CCDC91: variants seen among roughly 807,000 people sequenced by gnomAD.
The protein encoded by CCDC91 is coiled-coil domain-containing protein 91.
Under a neutral mutation model 63.2 loss-of-function variants are expected in CCDC91, and 48 were observed. That is an observed-to-expected ratio of 0.76 (90% CI 0.60 to 0.97). The LOEUF (loss-of-function observed/expected upper bound fraction) is 0.97, where lower values mean the gene tolerates loss of function less well. Among genes scored for constraint, CCDC91 ranks in the 50% least tolerant of loss-of-function variants. The pLI is 0.00. For synonymous variants in CCDC91, 167 were observed against 165.8 expected, an observed-to-expected ratio of 1.01 and a Z score of -0.06; for missense variants, 500 against 494.6, an observed-to-expected ratio of 1.01 and a Z score of -0.10.
intron 12 of CCDC91, among the ~76,000 whole-genome samples, chr12:28,493,168 G>C (rs1224161696): frequency 6.6e-6 from 1 of 151,570 alleles, no homozygotes; most frequent in Non-Finnish European, 1.5e-5. Context: ...TCATTTTACA[G>C]ATAAGGAAAA....
intron 11 of CCDC91, among the ~76,000 whole-genome samples, chr12:28,457,937 T>C (rs898167089): frequency 1.3e-5 from 2 of 152,074 alleles, no homozygotes; most frequent in African/African-American, 4.8e-5. Context: ...AGAACTCCAG[T>C]GCACACAGAC....
intron 12 of CCDC91, among the ~76,000 whole-genome samples, chr12:28,502,888 A>C (rs1287961321): frequency 1.3e-5 from 2 of 148,412 alleles, no homozygotes; most frequent in African/African-American, 5.0e-5. Flanking sequence ...ATATGTAGAA[A>C]GCTGAAACTG....
chr12:28,214,069 T>G (rs980499003), intron 1 of CCDC91, among the ~76,000 whole-genome samples: 1 of 152,142 alleles, frequency 6.6e-6, no homozygotes, highest in South Asian at 2.1e-4. Context: ...AATTTTTGCT[T>G]CCTGTTCCTG....
chr12:28,263,552 C>T (rs567566316), intron 3 of CCDC91, among the ~76,000 whole-genome samples: 1 of 152,006 alleles, frequency 6.6e-6, no homozygotes, highest in Non-Finnish European at 1.5e-5. Flanking sequence ...GAATAATATT[C>T]CATTGCCTAT....
intron 6 of CCDC91, among the ~76,000 whole-genome samples, chr12:28,339,968 A>G (rs971977130): frequency 1.3e-5 from 2 of 152,212 alleles, no homozygotes; most frequent in Non-Finnish European, 2.9e-5. Context: ...ACACACATAT[A>G]TATGTATATA....
At chr12:28,392,955 G>A (rs1219161595) in intron 8 of CCDC91, among the ~76,000 whole-genome samples, 1 of 152,138 alleles carries the variant, frequency 6.6e-6, no homozygotes, top group Non-Finnish European at 1.5e-5. Flanking sequence ...TTTTCAATAG[G>A]AAAGGTGAAA....
intron 6 of CCDC91, among the ~76,000 whole-genome samples, chr12:28,317,056 G>T (rs1336954684): frequency 6.6e-6 from 1 of 151,894 alleles, no homozygotes; most frequent in Non-Finnish European, 1.5e-5. Context: ...GTGAGTTTCT[G>T]TTAGCCATTT....
chr12:28,501,646 A>G (rs1937889824), intron 12 of CCDC91, among the ~76,000 whole-genome samples: 1 of 151,678 alleles, frequency 6.6e-6, no homozygotes, highest in Non-Finnish European at 1.5e-5. Context: ...AATGTTCATC[A>G]AGGATATTGG....
At chr12:28,304,388 AAAAAAAAAAAAAAG>A (rs1338039156) in intron 3 of CCDC91, among the ~76,000 whole-genome samples, 6 of 35,906 alleles carry the variant, frequency 1.7e-4, no homozygotes, top group Admixed American at 1.0e-3. Flanking sequence ...AAAAAAAAAA[AAAAAAAAAAAAAAG>A]AAAAAAAAAA....
chr12:28,286,763 T>C (rs1223345359), intron 3 of CCDC91, among the ~76,000 whole-genome samples: 3 of 152,186 alleles, frequency 2.0e-5, no homozygotes, highest in Non-Finnish European at 4.4e-5. Flanking sequence ...AGTAGTTTGT[T>C]TTTAGTTCTT....
At position 28,383,053 on chromosome 12, in the gene CCDC91, C is replaced by T. The variant is rs183247756; in HGVS notation, c.655-8251C>T. ...AAACTTCTTAATTTTAATGTGTTGT[C>T]CATGGCACAAAAGAAATTTTCACTG... is the stretch of plus-strand genomic sequence containing the variant. On this transcript the variant is annotated intron_variant, in intron 7 of 12. Transcript: ENST00000536442. Among the ~76,000 whole-genome samples the T allele has an allele frequency of 2.6e-5, 4 of 152,092 alleles. No individual in the cohort carries two copies. In the East Asian group the frequency reaches 7.7e-4, roughly 29 times the overall value.
chr12:28,502,457 T>G (rs1196607045), intron 12 of CCDC91, among the ~76,000 whole-genome samples: 4 of 151,648 alleles, frequency 2.6e-5, no homozygotes, highest in Non-Finnish European at 5.9e-5. Flanking sequence ...GGAACAACAT[T>G]CCATGCTCAT....
intron 12 of CCDC91, among the ~76,000 whole-genome samples, chr12:28,513,571 T>C (rs908102444): frequency 6.6e-6 from 1 of 151,866 alleles, no homozygotes; most frequent in African/African-American, 2.4e-5. Context: ...TCGAAACACT[T>C]CTGGTCCCAA....
chr12:28,193,328 C>T (rs1041957772), intron 1 of CCDC91, among the ~76,000 whole-genome samples: 37 of 152,256 alleles, frequency 2.4e-4, no homozygotes, highest in East Asian at 1.2e-3. Context: ...ACCAGCTGGG[C>T]GCAGTGGCTC....
At chr12:28,288,651 G>A (rs761800157) in intron 3 of CCDC91, among the ~76,000 whole-genome samples, 39 of 152,162 alleles carry the variant, frequency 2.6e-4, no homozygotes, top group Admixed American at 7.8e-4. Context: ...ATTATTTTTC[G>A]TTGTATATCT....
At chr12:28,521,949 T>C (rs1257199179) in intron 12 of CCDC91, among the ~76,000 whole-genome samples, 1 of 152,170 alleles carries the variant, frequency 6.6e-6, no homozygotes. Context: ...GATAAGCTTT[T>C]TGATGTGCTG....
chr12:28,203,339 T>G (rs892522550), intron 1 of CCDC91, among the ~76,000 whole-genome samples: 1 of 152,230 alleles, frequency 6.6e-6, no homozygotes, highest in Admixed American at 6.5e-5. Flanking sequence ...GAAAGGATTT[T>G]TGGAGTTCCT....
At chr12:28,515,103 A>G (rs1207401694) in intron 12 of CCDC91, among the ~76,000 whole-genome samples, 6 of 151,358 alleles carry the variant, frequency 4.0e-5, no homozygotes, top group African/African-American at 1.5e-4. Flanking sequence ...TTTCTTCCCC[A>G]CCCCCAAGAA....
At chr12:28,402,121 T>G (rs1313943161) in intron 8 of CCDC91, among the ~76,000 whole-genome samples, 2 of 152,134 alleles carry the variant, frequency 1.3e-5, no homozygotes, top group African/African-American at 4.8e-5. Flanking sequence ...TTTTGTGTTG[T>G]GGGGGATTCC....
Sources: gnomAD v4.1 joint callset for allele counts (sites outside exome capture counted in the v4.1 genomes callset) on GRCh38, gnomAD v4.1.1 for gene constraint, MANE v1.5 for transcripts, NCBI Gene and HGNC (gene_info 2026-07-23, HGNC 2026-07-21) for gene names.